Variants in KCNQ1 observed in about 807,000 individuals in gnomAD.
The protein encoded by KCNQ1 is potassium voltage-gated channel subfamily KQT member 1.
Under a neutral mutation model 72.4 loss-of-function variants are expected in KCNQ1, and 49 were observed. That is an observed-to-expected ratio of 0.68 (90% CI 0.54 to 0.86). The LOEUF is 0.86. Among genes scored for constraint, KCNQ1 ranks in the 40% least tolerant of loss-of-function variants. KCNQ1 has a pLI of 0.00. For missense variants in KCNQ1, 790 were observed against 945.1 expected (o/e 0.84, Z 2.15); for synonymous variants, 450 against 412.6 (o/e 1.09, Z -1.10).
At chr11:2,573,379 G>A (rs137899634) in intron 6 of KCNQ1, among the ~76,000 whole-genome samples, 10 of 152,268 alleles carry the variant, frequency 6.6e-5, no homozygotes, top group African/African-American at 1.9e-4. Flanking sequence ...GGAGAGCGGC[G>A]TCAGATGCAT....
Position 2,674,833 on chromosome 11 carries a change from A to AT in KCNQ1, c.1514+12752_1514+12753insT, listed in dbSNP as rs1850263990. ...CTTGTCACCCTAATAGCTGTTTTTT[A>AT]AAAAAAAAAAAAAAAAAAAAAAAAA... is the stretch of plus-strand genomic sequence containing the variant. On this transcript the variant is annotated intron_variant, in intron 11 of 15. Coordinates refer to ENST00000155840, the MANE Select transcript of KCNQ1 (RefSeq NM_000218.3). This position sits in a 1 kb window ranked among gnomAD's most constrained non-coding sequence, Gnocchi z 5.9. 1 of 75,920 alleles carries AT rather than the reference A, an allele frequency of 1.3e-5. No homozygotes were observed. Among genetic ancestry groups the AT allele is most frequent in the African/African-American group, 6.4e-5 (1 of 15,718 alleles). 4.7% of individuals were successfully genotyped at this position (75,920 alleles called of 1,614,324 possible). A position where few individuals can be genotyped will look rare whatever the true frequency, so the allele number is the denominator to read the frequency against.
At chr11:2,576,910 A>G (rs1848431374) in intron 6 of KCNQ1, among the ~76,000 whole-genome samples, 1 of 152,126 alleles carries the variant, frequency 6.6e-6, no homozygotes, top group Admixed American at 6.5e-5. Flanking sequence ...GTTCCGTGCA[A>G]AGGGGAACGA....
rs934240100 is a variant in KCNQ1, at chr11:2,690,629, G to A, written c.1514+28548G>A. 2.5e-6 allele frequency: 1 copy of A among 398,560 alleles called. No homozygotes were observed. Among genetic ancestry groups the A allele is most frequent in the African/African-American group, 2.1e-5 (1 of 48,638 alleles). 24.7% of individuals were successfully genotyped at this position (398,560 alleles called of 1,614,324 possible). ...CACATATGTGCATGTTCATATATGT[G>A]TCAGAATGCGTATTTGTCAGTGTAT... On this transcript the variant is annotated intron_variant, in intron 11 of 15. Transcript: ENST00000155840. This position sits in a 1 kb window ranked among gnomAD's most constrained non-coding sequence, Gnocchi z 5.1.
rs1406536004 is a variant in KCNQ1, at chr11:2,759,794, C to T, written c.1515-9050C>T. 6.6e-6 allele frequency among the ~76,000 whole-genome samples: 1 copy of T among 152,074 alleles called. No homozygotes were observed. Among genetic ancestry groups the T allele is most frequent in the Non-Finnish European group, 1.5e-5 (1 of 67,988 alleles). On this transcript the variant is annotated intron_variant, in intron 11 of 15. Transcript: ENST00000155840. This position sits in a 1 kb window ranked among gnomAD's most constrained non-coding sequence, Gnocchi z 4.4. ...GAGGTCCTGGGAGGGGCTGAAGGCT[C>T]AGGGACACAGGTGAGGCCAGCCCCT... is the stretch of plus-strand genomic sequence containing the variant.
At chr11:2,688,840 C>G (rs1386304017) in intron 11 of KCNQ1, 1 of 398,806 alleles carries the variant, frequency 2.5e-6, no homozygotes, top group Non-Finnish European at 4.4e-6. Flanking sequence ...AGATGGCACT[C>G]CAGGTGGAGA....
chr11:2,456,900 C>G (rs1283294554), intron 1 of KCNQ1, among the ~76,000 whole-genome samples: 1 of 142,262 alleles, frequency 7.0e-6, no homozygotes, highest in Non-Finnish European at 1.5e-5. Flanking sequence ...GATCACGCCA[C>G]TGCACTCCAG....
chr11:2,672,036 G>A, intron 11 of KCNQ1: 1 of 398,690 alleles, frequency 2.5e-6, no homozygotes, highest in Non-Finnish European at 4.4e-6. Flanking sequence ...CCCTGGCCCG[G>A]TCTGCACTCA....
rs1849216000 is a variant in KCNQ1 at position 2,623,806 on chromosome 11, G to T, written c.1393+34952G>T. ...ATACCAAGGATGTGATTGCTGAACT[G>T]CATGGTAAGAATATGTTTAATTTTA... is the stretch of plus-strand genomic sequence containing the variant. On this transcript the variant is annotated intron_variant, in intron 10 of 15. Transcript: ENST00000155840. The surrounding 1 kb of genome is among the most constrained non-coding windows in gnomAD (Gnocchi z 5.2). The T allele has an allele frequency of 1.5e-5, 6 of 398,496 alleles. No individual in the cohort carries two copies. The East Asian group carries it at 2.1e-4, about 14-fold the overall frequency. The allele number at this position is 398,496 out of a possible 1,614,324, so 24.7% of individuals were successfully genotyped here. A position where few individuals can be genotyped will look rare whatever the true frequency, so the allele number is the denominator to read the frequency against.
intron 2 of KCNQ1, among the ~76,000 whole-genome samples, chr11:2,557,910 C>G (rs948390844): frequency 1.3e-5 from 2 of 152,222 alleles, no homozygotes; most frequent in Non-Finnish European, 2.9e-5. Flanking sequence ...GGAACACTTA[C>G]AAAACCAATC....
In KCNQ1 at chr11:2,498,486, A is replaced by C. The variant is rs1338401489; in HGVS notation, c.387-29442A>C. Among the ~76,000 whole-genome samples the C allele has an allele frequency of 6.6e-6, 1 of 150,708 alleles. No homozygotes were observed. The highest frequency in any genetic ancestry group is 1.5e-5 in the Non-Finnish European group (1 of 67,116). ...GCCTCCCAGCCTCCTTAGCACTATC[A>C]GGGGAAAACCGCCTACTAAAGCCTC... On this transcript the variant is annotated intron_variant, in intron 1 of 15. Transcript: ENST00000155840. This position sits in a 1 kb window ranked among gnomAD's most constrained non-coding sequence, Gnocchi z 4.8.
chr11:2,786,043 C>T (rs529952551), intron 15 of KCNQ1, among the ~76,000 whole-genome samples: 5 of 152,182 alleles, frequency 3.3e-5, no homozygotes, highest in African/African-American at 1.2e-4. Flanking sequence ...CCATTTGCCT[C>T]TTTGTCATTT....
intron 1 of KCNQ1, among the ~76,000 whole-genome samples, chr11:2,514,725 C>T (rs956698969): frequency 3.9e-5 from 6 of 152,214 alleles, no homozygotes; most frequent in African/African-American, 1.2e-4. Flanking sequence ...ACTCGGGAGG[C>T]TGAGGCAGGA....
At chr11:2,701,208 A>G (rs1260425609) in intron 11 of KCNQ1, among the ~76,000 whole-genome samples, 2 of 152,150 alleles carry the variant, frequency 1.3e-5, no homozygotes, top group African/African-American at 4.8e-5. Context: ...TCCAAGGGTG[A>G]CCGGGTTGGG....
In KCNQ1 at chr11:2,759,991, G is replaced by A. The variant is rs1294825945; in HGVS notation, c.1515-8853G>A. ...TGAGCTGCTGGGAATCTGTTCCACAGGTGGGAAGGTCGGCCCGCCATGGGC... is the reference window on the plus strand; with the variant it reads ...TGAGCTGCTGGGAATCTGTTCCACAAGTGGGAAGGTCGGCCCGCCATGGGC... On this transcript the variant is annotated intron_variant, in intron 11 of 15. Transcript: ENST00000155840. The surrounding 1 kb of genome is among the most constrained non-coding windows in gnomAD (Gnocchi z 4.4). 1.3e-5 allele frequency among the ~76,000 whole-genome samples: 2 copies of A among 152,244 alleles called. No homozygotes were observed. Among genetic ancestry groups the A allele is most frequent in the Non-Finnish European group, 2.9e-5 (2 of 68,036 alleles).
rs1187413060 is a variant in KCNQ1 at position 2,595,815 on chromosome 11, C to T, written c.1393+6961C>T. On this transcript the variant is annotated intron_variant, in intron 10 of 15. Coordinates refer to ENST00000155840, the MANE Select transcript of KCNQ1 (RefSeq NM_000218.3). This position sits in a 1 kb window ranked among gnomAD's most constrained non-coding sequence, Gnocchi z 5.0. ...AGAAATACATTTTATAAGGCTATAGCGGCCATAGATAGCGATTGCTTTGAT... is the reference window on the plus strand; with the variant it reads ...AGAAATACATTTTATAAGGCTATAGTGGCCATAGATAGCGATTGCTTTGAT... 3.9e-5 allele frequency among the ~76,000 whole-genome samples: 6 copies of T among 152,236 alleles called. No individual in the cohort carries two copies. Among genetic ancestry groups the T allele is most frequent in the African/African-American group, 1.2e-4 (5 of 41,536 alleles).
At chr11:2,644,784 G>A (rs966014664) in intron 10 of KCNQ1, 45 of 398,532 alleles carry the variant, frequency 1.1e-4, no homozygotes, top group Non-Finnish European at 2.2e-5. Context: ...CTGCAGTAGT[G>A]TGATCTCCAT....
rs1375332618 is a variant in KCNQ1 at position 2,759,932 on chromosome 11, G to A, written c.1515-8912G>A. 6.6e-6 allele frequency among the ~76,000 whole-genome samples: 1 copy of A among 152,202 alleles called. No homozygotes were observed. Among genetic ancestry groups the A allele is most frequent in the Non-Finnish European group, 1.5e-5 (1 of 68,032 alleles). On this transcript the variant is annotated intron_variant, in intron 11 of 15. Coordinates refer to ENST00000155840, the MANE Select transcript of KCNQ1 (RefSeq NM_000218.3). The surrounding 1 kb of genome is among the most constrained non-coding windows in gnomAD (Gnocchi z 4.4). ...TCCCACATGCCAGCCCCTACCCTGGGCCTCAGGATCTGCCTGGATGGAGGC... is the reference window on the plus strand; with the variant it reads ...TCCCACATGCCAGCCCCTACCCTGGACCTCAGGATCTGCCTGGATGGAGGC...
Position 2,671,710 on chromosome 11 carries a change from A to T in KCNQ1, c.1514+9629A>T, listed in dbSNP as rs922341415. The T allele has an allele frequency of 1.3e-4, 50 of 398,630 alleles. No individual in the cohort carries two copies. The highest frequency in any genetic ancestry group is 1.0e-3 in the African/African-American group (50 of 48,648). The allele number at this position is 398,630 out of a possible 1,614,324, so 24.7% of individuals were successfully genotyped here. A position where few individuals can be genotyped will look rare whatever the true frequency, so the allele number is the denominator to read the frequency against. The stretch of plus-strand genomic sequence containing the variant: ...AGGCAATAGAGGGTACTTGGGAAGT[A>T]GGGTGGTAGGCAAGGCTTTTCAGAG... On this transcript the variant is annotated intron_variant, in intron 11 of 15. Coordinates refer to ENST00000155840, the MANE Select transcript of KCNQ1 (RefSeq NM_000218.3). The surrounding 1 kb of genome is among the most constrained non-coding windows in gnomAD (Gnocchi z 4.7).
chr11:2,543,936 C>T lies in KCNQ1; in HGVS notation c.477+15918C>T, dbSNP rs1222573454. Among the ~76,000 whole-genome samples, 1 of 152,180 alleles carries T rather than the reference C, an allele frequency of 6.6e-6. No homozygotes were observed. The highest frequency in any genetic ancestry group is 2.4e-5 in the African/African-American group (1 of 41,428). On this transcript the variant is annotated intron_variant, in intron 2 of 15. Coordinates refer to ENST00000155840, the MANE Select transcript of KCNQ1 (RefSeq NM_000218.3). The surrounding 1 kb of genome is among the most constrained non-coding windows in gnomAD (Gnocchi z 5.6). ...AAATTGTCTCTTTCTGGACACTCTA[C>T]TGTGATCCGTTGATCTGTCCTTTTG... is the stretch of plus-strand genomic sequence containing the variant.
Sources: gnomAD v4.1 joint callset for allele counts (sites outside exome capture counted in the v4.1 genomes callset) on GRCh38, gnomAD v4.1.1 for gene constraint, Gnocchi (gnomAD v3.1) non-coding constraint, MANE v1.5 for transcripts, NCBI Gene and HGNC (gene_info 2026-07-23, HGNC 2026-07-21) for gene names.